The following ROBO2 variants were observed in gnomAD, a reference collection of about 807,000 sequenced individuals.
The protein encoded by ROBO2 is roundabout homolog 2.
In ROBO2, 53 loss-of-function variants were observed where a neutral mutation model predicts 160.8. The ratio of observed to expected loss-of-function variants is 0.33; its 90% CI spans 0.26 to 0.41. ROBO2 has a LOEUF of 0.41. Ranked by LOEUF, ROBO2 falls within the 10% of genes least tolerant of loss-of-function variation. The pLI, the probability that ROBO2 is intolerant of heterozygous loss-of-function variation, is 1.00. For synonymous variants in ROBO2, 664 were observed against 611.7 expected (o/e 1.09, Z -1.26); for missense variants, 1,577 against 1,722.4 (o/e 0.92, Z 1.49).
intron 2 of ROBO2, among the ~76,000 whole-genome samples, chr3:76,547,111 C>T (rs901129164): frequency 2.0e-5 from 3 of 151,916 alleles, no homozygotes; most frequent in Admixed American, 1.3e-4. Context: ...TTGATACAGT[C>T]CAACTAGTAT....
At chr3:77,450,127 G>A (rs747623833) in intron 2 of ROBO2, among the ~76,000 whole-genome samples, 10 of 152,060 alleles carry the variant, frequency 6.6e-5, no homozygotes, top group Non-Finnish European at 1.3e-4. Context: ...ATACTCTCTA[G>A]ACAGTTTTCT....
At chr3:77,566,338 T>A (rs962635821) in intron 12 of ROBO2, among the ~76,000 whole-genome samples, 1 of 152,038 alleles carries the variant, frequency 6.6e-6, no homozygotes, top group Non-Finnish European at 1.5e-5. Flanking sequence ...AGAACCTGTC[T>A]CTTGAGAAAG....
At chr3:77,516,855 A>G (rs1237626432) in intron 5 of ROBO2, among the ~76,000 whole-genome samples, 2 of 151,666 alleles carry the variant, frequency 1.3e-5, no homozygotes, top group Non-Finnish European at 3.0e-5. Context: ...ACTGCATATA[A>G]TTGTTGCACT....
chr3:76,100,734 A>C (rs2069649130), intron 2 of ROBO2, among the ~76,000 whole-genome samples: 1 of 152,198 alleles, frequency 6.6e-6, no homozygotes, highest in Non-Finnish European at 1.5e-5. Flanking sequence ...ATCAAAGGAC[A>C]AACATACTTG....
chr3:76,949,601 C>T (rs1349578183), intron 2 of ROBO2, among the ~76,000 whole-genome samples: 1 of 152,232 alleles, frequency 6.6e-6, no homozygotes, highest in Admixed American at 6.5e-5. Context: ...TCCCCTATTT[C>T]CCGTGTCCAC....
intron 2 of ROBO2, among the ~76,000 whole-genome samples, chr3:76,820,635 T>C (rs1208672362): frequency 6.6e-6 from 1 of 152,028 alleles, no homozygotes; most frequent in Non-Finnish European, 1.5e-5. Flanking sequence ...AATGAGTTTA[T>C]ATCAGGAAAT....
intron 2 of ROBO2, among the ~76,000 whole-genome samples, chr3:76,782,680 C>CAT (rs769459732): frequency 3.7e-4 from 56 of 150,570 alleles, no homozygotes; most frequent in Non-Finnish European, 5.4e-4. Flanking sequence ...TACTTCATCT[C>CAT]ATATATATAT....
chr3:76,735,759 CA>C (rs60229835), intron 2 of ROBO2, among the ~76,000 whole-genome samples: 15,477 of 43,590 alleles, frequency 0.36, 770 homozygotes, highest in Non-Finnish European at 0.4. Context: ...GACCCTGTCT[CA>C]AAAAAAAAAA....
intron 2 of ROBO2, among the ~76,000 whole-genome samples, chr3:76,204,767 T>C (rs1438713066): frequency 6.6e-6 from 1 of 152,198 alleles, no homozygotes; most frequent in African/African-American, 2.4e-5. Flanking sequence ...CTTGCAGATA[T>C]CCCATTATGT....
In ROBO2 at chr3:76,342,143, T is replaced by C. The variant is rs1021544752; in HGVS notation, c.109+404541T>C. Among the ~76,000 whole-genome samples the C allele has an allele frequency of 2.6e-5, 4 of 152,142 alleles. No homozygotes were observed. In the East Asian group the frequency reaches 7.7e-4, roughly 29 times the overall value. On this transcript the variant is annotated intron_variant, in intron 2 of 26. Transcript: ENST00000487694. ...CATGAACTTCCCTCAAATCTTGTGATTCTGCCTGTGAGATCCTCACAATTC... is the reference window on the plus strand; with the variant it reads ...CATGAACTTCCCTCAAATCTTGTGACTCTGCCTGTGAGATCCTCACAATTC...
At chr3:76,645,229 C>T (rs1253073399) in intron 2 of ROBO2, among the ~76,000 whole-genome samples, 1 of 152,138 alleles carries the variant, frequency 6.6e-6, no homozygotes, top group Non-Finnish European at 1.5e-5. Flanking sequence ...AAATGTTTCT[C>T]TTTTATTAAA....
At chr3:77,198,974 T>C (rs1462432947) in intron 2 of ROBO2, among the ~76,000 whole-genome samples, 1 of 152,156 alleles carries the variant, frequency 6.6e-6, no homozygotes, top group African/African-American at 2.4e-5. Context: ...TGCTCTATGT[T>C]AATGTCCTTG....
chr3:77,465,491 A>G (rs1299310454), intron 2 of ROBO2, among the ~76,000 whole-genome samples: 1 of 152,154 alleles, frequency 6.6e-6, no homozygotes, highest in Admixed American at 6.5e-5. Context: ...ATAGATATAT[A>G]GCTAGAGACT....
At chr3:76,385,575 A>G (rs1366952458) in intron 2 of ROBO2, among the ~76,000 whole-genome samples, 1 of 152,222 alleles carries the variant, frequency 6.6e-6, no homozygotes, top group African/African-American at 2.4e-5. Context: ...CGCAAATTAG[A>G]TATTTGGTTA....
chr3:76,973,968 G>A (rs1407903792), intron 2 of ROBO2, among the ~76,000 whole-genome samples: 1 of 152,128 alleles, frequency 6.6e-6, no homozygotes, highest in Non-Finnish European at 1.5e-5. Context: ...AACATACAAT[G>A]AGTTATGGCA....
intron 2 of ROBO2, among the ~76,000 whole-genome samples, chr3:76,497,174 T>C (rs1282748182): frequency 2.0e-5 from 3 of 152,132 alleles, no homozygotes; most frequent in Non-Finnish European, 2.9e-5. Flanking sequence ...TTGGAATGAT[T>C]GATCTCTGGC....
At chr3:76,070,236 C>T (rs189622929) in intron 2 of ROBO2, among the ~76,000 whole-genome samples, 1 of 152,202 alleles carries the variant, frequency 6.6e-6, no homozygotes, top group African/African-American at 2.4e-5. Context: ...TCTCTTCTTT[C>T]AAAAGCAAAT....
intron 12 of ROBO2, among the ~76,000 whole-genome samples, chr3:77,567,332 A>T (rs908134301): frequency 1.3e-5 from 2 of 152,130 alleles, no homozygotes; most frequent in South Asian, 4.1e-4. Context: ...ATTCAACAAC[A>T]TTGTGTGCCA....
intron 2 of ROBO2, among the ~76,000 whole-genome samples, chr3:77,114,147 A>G: frequency 6.6e-6 from 1 of 152,112 alleles, no homozygotes; most frequent in East Asian, 1.9e-4. Context: ...CAAACCTTTT[A>G]CCTTCTCTGG....
Sources: gnomAD v4.1 joint callset for allele counts (sites outside exome capture counted in the v4.1 genomes callset) on GRCh38, gnomAD v4.1.1 for gene constraint, MANE v1.5 for transcripts, NCBI Gene and HGNC (gene_info 2026-07-23, HGNC 2026-07-21) for gene names.